The following KHDRBS2 variants were observed in gnomAD, a reference collection of about 807,000 sequenced individuals.
KHDRBS2 encodes KH domain-containing, RNA-binding, signal transduction-associated protein 2.
Under a neutral mutation model 44.3 loss-of-function variants are expected in KHDRBS2, and 26 were observed. The ratio of observed to expected loss-of-function variants is 0.59; its 90% CI spans 0.43 to 0.81. The LOEUF is 0.81. Among genes scored for constraint, KHDRBS2 ranks in the 40% least tolerant of loss-of-function variants. The probability of loss-of-function intolerance (pLI) is 0.00; values close to 1 mark genes in which losing one functional copy is unlikely to be tolerated. For missense variants in KHDRBS2, 476 were observed against 433.1 expected, an observed-to-expected ratio of 1.10 and a Z score of -0.88; for synonymous variants, 194 against 151.1, an observed-to-expected ratio of 1.28 and a Z score of -2.08.
chr6:62,152,889 G>T (rs1815526885), intron 2 of KHDRBS2, among the ~76,000 whole-genome samples: 4 of 152,144 alleles, frequency 2.6e-5, no homozygotes, highest in African/African-American at 7.2e-5. Context: ...TTAATACCTT[G>T]AGCCTGTTAC....
chr6:61,689,114 A>G (rs1767107342), intron 8 of KHDRBS2, among the ~76,000 whole-genome samples: 2 of 151,842 alleles, frequency 1.3e-5, no homozygotes, highest in Non-Finnish European at 2.9e-5. Flanking sequence ...GACTCCTGTG[A>G]GCTTCCCTGG....
At chr6:61,759,715 G>GTC (rs1779002721) in intron 6 of KHDRBS2, among the ~76,000 whole-genome samples, 1 of 152,100 alleles carries the variant, frequency 6.6e-6, no homozygotes, top group Non-Finnish European at 1.5e-5. Context: ...TTGTTAGCAC[G>GTC]ATTCAGCCTC....
chr6:61,908,481 A>G (rs1397606341), intron 4 of KHDRBS2, among the ~76,000 whole-genome samples: 1 of 151,744 alleles, frequency 6.6e-6, no homozygotes, highest in East Asian at 1.9e-4. Context: ...AAAAATACAA[A>G]AAATTAGCCG....
At chr6:62,252,411 A>G (rs1236692478) in intron 1 of KHDRBS2, among the ~76,000 whole-genome samples, 2 of 151,952 alleles carry the variant, frequency 1.3e-5, no homozygotes, top group African/African-American at 4.8e-5. Flanking sequence ...GTGTTTAGCA[A>G]TAAGTATCAT....
At chr6:61,583,639 A>G in the KHDRBS2 span, among the ~76,000 whole-genome samples, 5 of 151,828 alleles carry the variant, frequency 3.3e-5, no homozygotes, top group South Asian at 1.0e-3. Context: ...GGAGTCAGGT[A>G]GAGTAAGTTT....
intron 2 of KHDRBS2, among the ~76,000 whole-genome samples, chr6:62,082,825 C>T (rs1797660133): frequency 6.6e-6 from 1 of 152,124 alleles, no homozygotes; most frequent in Non-Finnish European, 1.5e-5. Context: ...TTACTAGTTG[C>T]TCCTGAGGCT....
intron 6 of KHDRBS2, among the ~76,000 whole-genome samples, chr6:61,740,920 A>G (rs949894549): frequency 6.6e-6 from 1 of 151,920 alleles, no homozygotes; most frequent in African/African-American, 2.4e-5. Flanking sequence ...GGCAACCATA[A>G]TAACCACCAT....
In KHDRBS2 at chr6:62,122,077, G is replaced by T. The variant is rs192396303; in HGVS notation, c.219+55108C>A. On this transcript the variant is annotated intron_variant, in intron 2 of 8. Transcript: ENST00000281156. ...AGTGACCCGAAATGTTGCCAGTTTTGAGTGGGGTCCAGAACAGAAGAAGGC... is the reference window on the plus strand; with the variant it reads ...AGTGACCCGAAATGTTGCCAGTTTTTAGTGGGGTCCAGAACAGAAGAAGGC... Among the ~76,000 whole-genome samples the T allele has an allele frequency of 2.6e-3, 400 of 152,194 alleles. 1 individual carries two copies. The highest frequency in any genetic ancestry group is 9.0e-3 in the African/African-American group (374 of 41,522).
intron 3 of KHDRBS2, among the ~76,000 whole-genome samples, chr6:62,032,598 A>G (rs1784558073): frequency 6.6e-6 from 1 of 151,454 alleles, no homozygotes. Context: ...GAGAACCCTG[A>G]CAAATAAAAC....
At chr6:62,220,772 A>G (rs1473183422) in intron 1 of KHDRBS2, among the ~76,000 whole-genome samples, 1 of 151,974 alleles carries the variant, frequency 6.6e-6, no homozygotes, top group Non-Finnish European at 1.5e-5. Flanking sequence ...ATATGGTAAC[A>G]TCAAACAAGT....
chr6:62,091,338 C>A (rs149010632), intron 2 of KHDRBS2, among the ~76,000 whole-genome samples: 1 of 152,042 alleles, frequency 6.6e-6, no homozygotes, highest in East Asian at 1.9e-4. Flanking sequence ...TCTAATAATT[C>A]TTAGTATAAA....
chr6:62,183,353 T>C lies in KHDRBS2; in HGVS notation c.92-6041A>G, dbSNP rs181862883. On this transcript the variant is annotated intron_variant, in intron 1 of 8. Coordinates refer to ENST00000281156, the MANE Select transcript of KHDRBS2 (RefSeq NM_152688.4). ...AAGTCAAAATTTATGTAAATTTAAATAAATGAAGTGTTTCCCAGTCATTTC... is the reference window on the plus strand; with the variant it reads ...AAGTCAAAATTTATGTAAATTTAAACAAATGAAGTGTTTCCCAGTCATTTC... Among the ~76,000 whole-genome samples the C allele has an allele frequency of 1.4e-3, 217 of 151,802 alleles. 1 individual carries two copies. In the South Asian group the frequency reaches 0.021, roughly 15 times the overall value.
At chr6:62,135,325 T>A (rs1456180559) in intron 2 of KHDRBS2, among the ~76,000 whole-genome samples, 1 of 152,164 alleles carries the variant, frequency 6.6e-6, no homozygotes, top group African/African-American at 2.4e-5. Flanking sequence ...CCTTCCGCAA[T>A]GTGAGGCCTC....
At chr6:62,006,588 A>T (rs1262324719) in intron 3 of KHDRBS2, among the ~76,000 whole-genome samples, 4 of 152,030 alleles carry the variant, frequency 2.6e-5, no homozygotes, top group Non-Finnish European at 4.4e-5. Context: ...TAACATTTAG[A>T]TTCAGCTAAC....
intron 3 of KHDRBS2, among the ~76,000 whole-genome samples, chr6:61,990,120 G>A (rs1359143619): frequency 1.3e-5 from 2 of 152,084 alleles, no homozygotes; most frequent in Non-Finnish European, 2.9e-5. Context: ...GACCACCAGA[G>A]ATCTTCCAAA....
chr6:61,836,086 G>T (rs765131844), intron 6 of KHDRBS2, among the ~76,000 whole-genome samples: 1 of 151,954 alleles, frequency 6.6e-6, no homozygotes, highest in Non-Finnish European at 1.5e-5. Flanking sequence ...TCTGACTTAG[G>T]AGGAGTAGAG....
intron 7 of KHDRBS2, among the ~76,000 whole-genome samples, chr6:61,706,507 T>G (rs1331125279): frequency 6.6e-6 from 1 of 151,780 alleles, no homozygotes; most frequent in African/African-American, 2.4e-5. Context: ...CTATGCCAGG[T>G]AATGAGGCTT....
chr6:61,634,208 G>A, the KHDRBS2 span, among the ~76,000 whole-genome samples: 351 of 151,718 alleles, frequency 2.3e-3, 2 homozygotes, highest in African/African-American at 8.2e-3. Context: ...CCCAGTGGCC[G>A]GGTCAGACAG....
chr6:61,823,385 C>A (rs949252351), intron 6 of KHDRBS2, among the ~76,000 whole-genome samples: 1 of 152,026 alleles, frequency 6.6e-6, no homozygotes, highest in Non-Finnish European at 1.5e-5. Context: ...CAGTCTTTTG[C>A]AGAATATCAT....
Sources: allele counts gnomAD v4.1 joint callset (sites outside exome capture counted in the v4.1 genomes callset), GRCh38; gene constraint gnomAD v4.1.1; transcripts MANE v1.5; gene names NCBI Gene and HGNC (gene_info 2026-07-23, HGNC 2026-07-21).